Variants in PPM1B observed in about 807,000 individuals in gnomAD.
PPM1B encodes the protein protein phosphatase, Mg2+/Mn2+ dependent 1B, also known as protein phosphatase 1B.
A neutral mutation model predicts 43.0 loss-of-function variants in PPM1B; 22 were observed. That is an observed-to-expected ratio of 0.51 (90% CI 0.37 to 0.73). PPM1B has a LOEUF of 0.73. Ranked by LOEUF, PPM1B falls within the 30% of genes least tolerant of loss-of-function variation. PPM1B has a pLI of 0.00. For synonymous variants in PPM1B, 217 were observed against 197.9 expected (o/e 1.10, Z -0.81); for missense variants, 632 against 584.2 (o/e 1.08, Z -0.84).
At chr2:44,218,989 G>GT in intron 5 of PPM1B, 2 of 396,432 alleles carry the variant, frequency 5.0e-6, no homozygotes, top group South Asian at 3.7e-5. Context: ...CCCGAGGATA[G>GT]TTTTTTTCTA....
chr2:44,213,669 T>G (rs1245680882), intron 3 of PPM1B: 1 of 152,218 alleles, frequency 6.6e-6, no homozygotes, highest in African/African-American at 2.4e-5. Context: ...TACAATTTCC[T>G]CAGCCCTAAA....
At chr2:44,241,807 A>C (rs1670750352) in intron 5 of PPM1B, among the ~76,000 whole-genome samples, 1 of 151,818 alleles carries the variant, frequency 6.6e-6, no homozygotes, top group Admixed American at 6.6e-5. Context: ...ATGTAAGATT[A>C]AAAAAAGATC....
chr2:44,216,555 T>C (rs918970903), intron 3 of PPM1B, among the ~76,000 whole-genome samples: 1 of 152,146 alleles, frequency 6.6e-6, no homozygotes, highest in Non-Finnish European at 1.5e-5. Flanking sequence ...TGGGAGTGTA[T>C]TGCAGTGTAC....
At chr2:44,232,966 T>A (rs1055261941), downstream of PPM1B, 8 of 978,780 alleles carry the variant, frequency 8.2e-6, no homozygotes, top group East Asian at 1.1e-4. Flanking sequence ...GGGAATAATA[T>A]TATAAACCCT....
At chr2:44,193,282 C>G (rs927926295) in intron 1 of PPM1B, among the ~76,000 whole-genome samples, 1 of 152,088 alleles carries the variant, frequency 6.6e-6, no homozygotes, top group Non-Finnish European at 1.5e-5. Context: ...TGTCATTGTG[C>G]CTTTAATTTG....
chr2:44,174,878 C>T (rs1272646463), intron 1 of PPM1B, among the ~76,000 whole-genome samples: 1 of 152,192 alleles, frequency 6.6e-6, no homozygotes, highest in African/African-American at 2.4e-5. Context: ...TTTTCCTTTT[C>T]CTTGTTCTGA....
intron 5 of PPM1B, among the ~76,000 whole-genome samples, chr2:44,242,302 T>G (rs1397878217): frequency 6.6e-6 from 1 of 152,156 alleles, no homozygotes; most frequent in African/African-American, 2.4e-5. Flanking sequence ...GATAGTAGTA[T>G]GTACATATAA....
intron 1 of PPM1B, among the ~76,000 whole-genome samples, chr2:44,173,110 G>T (rs906220200): frequency 6.6e-6 from 1 of 152,148 alleles, no homozygotes; most frequent in African/African-American, 2.4e-5. Flanking sequence ...AGAACAGCCT[G>T]GCCTGGCCAA....
At chr2:44,239,131 A>G (rs1670691858), downstream of PPM1B, among the ~76,000 whole-genome samples, 1 of 143,756 alleles carries the variant, frequency 7.0e-6, no homozygotes, top group Non-Finnish European at 1.5e-5. Flanking sequence ...CTACAAATGG[A>G]TCACTGCATG....
At chr2:44,236,350 C>T (rs1465431315), downstream of PPM1B, among the ~76,000 whole-genome samples, 7 of 142,304 alleles carry the variant, frequency 4.9e-5, no homozygotes, top group Non-Finnish European at 9.0e-5. Flanking sequence ...TTGCAGTGAG[C>T]CGAGATCGCG....
intron 1 of PPM1B, among the ~76,000 whole-genome samples, chr2:44,194,898 C>CTTT (rs796213050): frequency 1.6e-4 from 20 of 123,256 alleles, no homozygotes; most frequent in African/African-American, 2.2e-4. Flanking sequence ...CAGTCTTTTG[C>CTTT]TTTTTTTTTT....
At chr2:44,175,004 T>C (rs1015056661) in intron 1 of PPM1B, among the ~76,000 whole-genome samples, 11 of 152,152 alleles carry the variant, frequency 7.2e-5, no homozygotes, top group African/African-American at 2.7e-4. Flanking sequence ...CCTATAATCC[T>C]AGCACTTTGG....
intron 5 of PPM1B, among the ~76,000 whole-genome samples, chr2:44,221,783 T>C (rs1669986010): frequency 6.6e-6 from 1 of 152,084 alleles, no homozygotes. Flanking sequence ...ATCTTTTAAA[T>C]AAATATTTTT....
At chr2:44,242,180 C>G (rs1670764730) in intron 5 of PPM1B, among the ~76,000 whole-genome samples, 1 of 151,974 alleles carries the variant, frequency 6.6e-6, no homozygotes, top group East Asian at 1.9e-4. Flanking sequence ...TAAATGTTAA[C>G]AAAACATTAT....
At chr2:44,235,634 G>A (rs969037451), downstream of PPM1B, among the ~76,000 whole-genome samples, 10 of 142,902 alleles carry the variant, frequency 7.0e-5, no homozygotes, top group African/African-American at 2.6e-4. Flanking sequence ...AGACTGCTTA[G>A]CTGAATGTGG....
chr2:44,206,361 C>A (rs929829841), intron 2 of PPM1B, among the ~76,000 whole-genome samples: 1 of 152,090 alleles, frequency 6.6e-6, no homozygotes, highest in Admixed American at 6.6e-5. Context: ...GAAACATATT[C>A]ATACTTGGTG....
At chr2:44,237,095 C>T (rs1670642739), downstream of PPM1B, among the ~76,000 whole-genome samples, 1 of 152,150 alleles carries the variant, frequency 6.6e-6, no homozygotes, top group South Asian at 2.1e-4. Flanking sequence ...TTTTTAAATT[C>T]TGTACTAGAA....
At position 44,230,415 on chromosome 2, in the gene PPM1B, C is replaced by G. The variant is rs1670417102; in HGVS notation, c.1137C>G (p.Ala379=). 6.2e-7 allele frequency: 1 copy of G among 1,612,646 alleles called. No individual in the cohort carries two copies. The highest frequency in any genetic ancestry group is 8.5e-7 in the Non-Finnish European group (1 of 1,179,332). Residue 379 remains alanine (A), a splice_region_variant and synonymous_variant, in exon 6 of 6, where the codon GCC becomes GCG. Coordinates refer to ENST00000282412, the MANE Select transcript of PPM1B (RefSeq NM_002706.6). ...RLNPHRESDG[A]SDEAEESGSQ... ...GGGGTCTTGAATCTTAAAAAAAGGC[C>G]TCCGATGAAGCAGAGGAAAGTGGAT... is the stretch of plus-strand genomic sequence containing the variant.
At chr2:44,207,933 G>T (rs1669268774) in intron 2 of PPM1B, among the ~76,000 whole-genome samples, 1 of 146,206 alleles carries the variant, frequency 6.8e-6, no homozygotes, top group Non-Finnish European at 1.5e-5. Context: ...CTGTTGCCCA[G>T]GCTGGAGTAC....
Sources: gnomAD v4.1 joint callset for allele counts (sites outside exome capture counted in the v4.1 genomes callset) on GRCh38, gnomAD v4.1.1 for gene constraint, MANE v1.5 for transcripts, NCBI Gene and HGNC (gene_info 2026-07-23, HGNC 2026-07-21) for gene names.